The following UBE2E2 variants were observed in gnomAD, a reference collection of about 807,000 sequenced individuals.
The protein encoded by UBE2E2 is ubiquitin-conjugating enzyme E2 E2.
A neutral mutation model predicts 24.7 loss-of-function variants in UBE2E2; 6 were observed. The ratio of observed to expected loss-of-function variants is 0.24; its 90% confidence interval spans 0.13 to 0.48. The LOEUF (loss-of-function observed/expected upper bound fraction) is 0.48. Among genes scored for constraint, UBE2E2 ranks in the 20% least tolerant of loss-of-function variants. The probability of loss-of-function intolerance (pLI) is 0.99; values close to 1 mark genes in which losing one functional copy is unlikely to be tolerated. For missense variants in UBE2E2, 169 were observed against 245.0 expected (o/e 0.69, Z 2.07); for synonymous variants, 104 against 83.6 (o/e 1.24, Z -1.33).
intron 3 of UBE2E2, among the ~76,000 whole-genome samples, chr3:23,464,226 T>TG (rs780245656): frequency 2.0e-5 from 3 of 152,262 alleles, no homozygotes; most frequent in Non-Finnish European, 4.4e-5. Flanking sequence ...GATTGGCTGT[T>TG]TAATCTACTA....
chr3:23,218,686 A>G (rs1048692057), intron 3 of UBE2E2, among the ~76,000 whole-genome samples: 1 of 152,120 alleles, frequency 6.6e-6, no homozygotes, highest in Non-Finnish European at 1.5e-5. Flanking sequence ...TCACCGGCAA[A>G]ATAAACAACT....
intron 2 of UBE2E2, among the ~76,000 whole-genome samples, chr3:23,216,950 A>C (rs549317820): frequency 4.6e-5 from 7 of 152,294 alleles, no homozygotes; most frequent in African/African-American, 1.7e-4. Context: ...ACAGAAGTTA[A>C]AATGACCCAT....
At chr3:23,233,675 T>C (rs1396464454) in intron 3 of UBE2E2, among the ~76,000 whole-genome samples, 1 of 152,178 alleles carries the variant, frequency 6.6e-6, no homozygotes, top group African/African-American at 2.4e-5. Context: ...AACCTCATTA[T>C]AAGTTTTGCC....
At position 23,407,142 on chromosome 3, in the gene UBE2E2, A is replaced by G. The variant is rs1247825973; in HGVS notation, c.228-92466A>G. 1.3e-5 allele frequency among the ~76,000 whole-genome samples: 2 copies of G among 152,284 alleles called. No homozygotes were observed. Among genetic ancestry groups the G allele is most frequent in the East Asian group, 3.9e-4 (2 of 5,192 alleles). ...TCCAAAGATGTCATCAAGAAGGTAT[A>G]GTCTCCCTTTTTCTCTTGAGAACCC... On this transcript the variant is annotated intron_variant, in intron 3 of 5. Coordinates refer to ENST00000396703, the MANE Select transcript of UBE2E2 (RefSeq NM_152653.4). This position sits in a 1 kb window ranked among gnomAD's most constrained non-coding sequence, Gnocchi z 4.0.
intron 3 of UBE2E2, among the ~76,000 whole-genome samples, chr3:23,274,553 A>T (rs1486666856): frequency 2.0e-5 from 3 of 151,268 alleles, no homozygotes; most frequent in Non-Finnish European, 4.4e-5. Context: ...ATAGAGATGG[A>T]GTTTCTCCAT....
chr3:23,385,649 A>T (rs1696790561), intron 3 of UBE2E2, among the ~76,000 whole-genome samples: 1 of 152,202 alleles, frequency 6.6e-6, no homozygotes. Flanking sequence ...ATGTGGGTTT[A>T]AGTTCTGTTT....
chr3:23,264,271 C>T (rs764619112), intron 3 of UBE2E2, among the ~76,000 whole-genome samples: 4 of 150,942 alleles, frequency 2.7e-5, no homozygotes, highest in African/African-American at 4.9e-5. Context: ...TTTTACTGTT[C>T]GTATCTTTAG....
chr3:23,277,349 T>C (rs1253934427), intron 3 of UBE2E2, among the ~76,000 whole-genome samples: 11 of 152,164 alleles, frequency 7.2e-5, no homozygotes, highest in Non-Finnish European at 1.6e-4. Context: ...GACATGCTGA[T>C]AATAAGATTT....
At chr3:23,397,618 A>G (rs1416586119) in intron 3 of UBE2E2, among the ~76,000 whole-genome samples, 3 of 152,158 alleles carry the variant, frequency 2.0e-5, no homozygotes, top group East Asian at 3.8e-4. Context: ...ATCTCAATAC[A>G]TGGGATCATA....
chr3:23,360,766 C>G (rs1310806499), intron 3 of UBE2E2, among the ~76,000 whole-genome samples: 1 of 151,862 alleles, frequency 6.6e-6, no homozygotes, highest in Non-Finnish European at 1.5e-5. Context: ...AGAAGATGAG[C>G]CACTTTTGTA....
chr3:23,447,676 C>A (rs1698466391), intron 3 of UBE2E2, among the ~76,000 whole-genome samples: 1 of 152,134 alleles, frequency 6.6e-6, no homozygotes, highest in South Asian at 2.1e-4. Context: ...GTAATCCTTT[C>A]TTTGTGCTCA....
At chr3:23,543,006 C>A (rs1329248457) in intron 5 of UBE2E2, among the ~76,000 whole-genome samples, 1 of 152,126 alleles carries the variant, frequency 6.6e-6, no homozygotes. Context: ...CAGTAGTAAC[C>A]TCTAATTGGT....
chr3:23,578,580 A>G (rs1349988749), intron 5 of UBE2E2, among the ~76,000 whole-genome samples: 3 of 152,260 alleles, frequency 2.0e-5, no homozygotes, highest in African/African-American at 7.2e-5. Flanking sequence ...CATACACACC[A>G]TAGAATACTG....
At chr3:23,350,661 T>A (rs1016722684) in intron 3 of UBE2E2, among the ~76,000 whole-genome samples, 2 of 151,938 alleles carry the variant, frequency 1.3e-5, no homozygotes, top group African/African-American at 2.4e-5. Flanking sequence ...ATGAATGAAA[T>A]GAAGCAAGAA....
chr3:23,565,165 T>C (rs1284166170), intron 5 of UBE2E2, among the ~76,000 whole-genome samples: 4 of 152,160 alleles, frequency 2.6e-5, no homozygotes, highest in African/African-American at 7.2e-5. Flanking sequence ...TGGTTCTCTT[T>C]GAAAATGTGC....
intron 3 of UBE2E2, among the ~76,000 whole-genome samples, chr3:23,331,961 G>T (rs563762192): frequency 6.6e-6 from 1 of 152,246 alleles, no homozygotes; most frequent in Admixed American, 6.5e-5. Context: ...TTTAAAAGAT[G>T]AAGTTGGACT....
At chr3:23,559,928 T>C (rs1268728695) in intron 5 of UBE2E2, among the ~76,000 whole-genome samples, 1 of 152,132 alleles carries the variant, frequency 6.6e-6, no homozygotes, top group Admixed American at 6.6e-5. Flanking sequence ...AGTAAAAATA[T>C]ACCTCATGCA....
intron 3 of UBE2E2, among the ~76,000 whole-genome samples, chr3:23,356,547 T>C (rs990911798): frequency 6.6e-6 from 1 of 152,182 alleles, no homozygotes; most frequent in African/African-American, 2.4e-5. Context: ...TTTTGTTAAT[T>C]ATCTCATCTC....
chr3:23,373,971 C>G (rs1304834436), intron 3 of UBE2E2, among the ~76,000 whole-genome samples: 1 of 151,960 alleles, frequency 6.6e-6, no homozygotes. Flanking sequence ...TTCTAAAAAT[C>G]AAAACAAAAA....
Sources: gnomAD v4.1 joint callset for allele counts (sites outside exome capture counted in the v4.1 genomes callset) on GRCh38, gnomAD v4.1.1 for gene constraint, Gnocchi (gnomAD v3.1) non-coding constraint, MANE v1.5 for transcripts, NCBI Gene and HGNC (gene_info 2026-07-23, HGNC 2026-07-21) for gene names.